Variants in SYTL2 observed in about 807,000 individuals in gnomAD.
The protein encoded by SYTL2 is synaptotagmin like 2, also known as synaptotagmin-like protein 2.
A neutral mutation model predicts 198.7 loss-of-function variants in SYTL2; 165 were observed. That is an observed-to-expected ratio of 0.83 (90% CI 0.73 to 0.94). The LOEUF is 0.94. Ranked by LOEUF, SYTL2 falls within the 40% of genes least tolerant of loss-of-function variation. The pLI is 0.00. For missense variants in SYTL2, 2,835 were observed against 2,582.8 expected, an observed-to-expected ratio of 1.10 and a Z score of -2.12; for synonymous variants, 966 against 917.7, an observed-to-expected ratio of 1.05 and a Z score of -0.95.
At position 85,720,910 on chromosome 11, in the gene SYTL2, G is replaced by A. The variant is rs369971177; in HGVS notation, c.5376C>T (p.Ala1792=). The A allele has an allele frequency of 1.7e-5, 28 of 1,613,430 alleles. No individual in the cohort carries two copies. The highest frequency in any genetic ancestry group is 1.6e-4 in the African/African-American group (12 of 74,776). Reference sequence around the variant, plus strand: ...GACTTTTGGAAGGCATTTTCCTAGCGGCACTCCTTTCCAAAGTTTTCAAAA... The same window carrying A: ...GACTTTTGGAAGGCATTTTCCTAGCAGCACTCCTTTCCAAAGTTTTCAAAA... The part of the protein sequence containing the change: ...SPVLKTLERS[A]ARKMPSKSLE... Residue 1792 remains alanine, a synonymous_variant, in exon 9 of 20, where the codon GCC becomes GCT. Coordinates refer to ENST00000359152, the MANE Select transcript of SYTL2 (RefSeq NM_206927.4).
At position 85,718,790 on chromosome 11, in the gene SYTL2, C is replaced by T; in HGVS notation, c.5482G>A (p.Asp1828Asn). 1.2e-6 allele frequency: 2 copies of T among 1,612,926 alleles called. No homozygotes were observed. Among genetic ancestry groups the T allele is most frequent in the African/African-American group, 1.3e-5 (1 of 74,998 alleles). ...PEELVRSAED[D>N]EKPDQKPVTN... is the part of the protein sequence containing the mutation. ...CACGCAAATACATAAAGATATTTAC[C>T]ATCTTCAGCACTACGCACTAATTCT... The change falls in exon 10 of 20, where the codon GAT becomes AAT. Residue 1828 changes from aspartate to asparagine, a missense_variant and splice_region_variant. Coordinates refer to ENST00000359152, the MANE Select transcript of SYTL2 (RefSeq NM_206927.4).
At chr11:85,719,354 A>C (rs678376) in intron 9 of SYTL2, 1 of 1,129,562 alleles carries the variant, frequency 8.9e-7, no homozygotes, top group African/African-American at 1.6e-5. Flanking sequence ...AGTGGGTATC[A>C]GTATTTGGAA....
rs182784455 is a variant in SYTL2, at chr11:85,728,317, C to T, written c.1391-350G>A. Among the ~76,000 whole-genome samples the T allele has an allele frequency of 3.7e-4, 56 of 152,198 alleles. No individual in the cohort carries two copies. In the East Asian group the frequency reaches 6.7e-3, roughly 18 times the overall value. On this transcript the variant is annotated intron_variant, in intron 7 of 19. Coordinates refer to ENST00000359152, the MANE Select transcript of SYTL2 (RefSeq NM_206927.4). ...TATTATTTTTTTTGAGATGGAGTCT[C>T]GCTCTGTTGCCTAGGCCAGAGTGCA... is the stretch of plus-strand genomic sequence containing the variant.
chr11:85,833,031 G>A, the SYTL2 span, among the ~76,000 whole-genome samples: 4 of 17,940 alleles, frequency 2.2e-4, no homozygotes, highest in Admixed American at 6.5e-4. Context: ...AAGAAAGAAA[G>A]AAAGAAAGAA....
intron 7 of SYTL2, 61 bp from the exon 8 acceptor site, chr11:85,728,028 T>C (rs1429045702): frequency 2.1e-6 from 3 of 1,403,950 alleles, no homozygotes; most frequent in African/African-American, 1.4e-5. Context: ...CTGTTAATCA[T>C]TCACATCATC....
chr11:85,702,613 A>G (rs2084509459), intron 16 of SYTL2, among the ~76,000 whole-genome samples: 1 of 152,244 alleles, frequency 6.6e-6, no homozygotes, highest in African/African-American at 2.4e-5. Context: ...AACAAAAACT[A>G]GACCAGATCA....
intron 9 of SYTL2, 113 bp from the exon 10 acceptor site, chr11:85,718,956 G>A: frequency 6.5e-7 from 1 of 1,545,228 alleles, no homozygotes; most frequent in Non-Finnish European, 8.7e-7. Context: ...AAGATGCAAT[G>A]AGGGGTGCAA....
chr11:85,753,482 A>G (rs1409340177), intron 2 of SYTL2, among the ~76,000 whole-genome samples: 1 of 152,214 alleles, frequency 6.6e-6, no homozygotes, highest in Non-Finnish European at 1.5e-5. Context: ...GAGACACCCC[A>G]GTGACTATTT....
At chr11:85,791,890 C>T (rs1339072898) in intron 1 of SYTL2, among the ~76,000 whole-genome samples, 1 of 152,078 alleles carries the variant, frequency 6.6e-6, no homozygotes, top group Non-Finnish European at 1.5e-5. Flanking sequence ...AACTCCCAAT[C>T]TCATTTCCTG....
At chr11:85,797,866 C>A (rs922822344) in intron 1 of SYTL2, among the ~76,000 whole-genome samples, 8 of 151,608 alleles carry the variant, frequency 5.3e-5, no homozygotes, top group Non-Finnish European at 2.9e-5. Context: ...GTTGTTCTTG[C>A]TGCTTGAGAA....
intron 7 of SYTL2, chr11:85,733,661 G>A (rs1462576292): frequency 1.4e-5 from 3 of 208,136 alleles, no homozygotes; most frequent in South Asian, 9.8e-5. Flanking sequence ...CTGCAGTGGC[G>A]CAATCTCGGC....
chr11:85,829,324 T>C, the SYTL2 span, among the ~76,000 whole-genome samples: 1 of 152,210 alleles, frequency 6.6e-6, no homozygotes, highest in Admixed American at 6.5e-5. Context: ...AGTGATAGCA[T>C]GCAGTTCTTA....
the SYTL2 span, chr11:85,852,610 G>C: frequency 1.7e-4 from 30 of 177,566 alleles, no homozygotes; most frequent in East Asian, 4.2e-3. Context: ...TCCTAACCGC[G>C]AGTGATCTGC....
chr11:85,811,367 C>T (rs975571904), upstream of SYTL2, among the ~76,000 whole-genome samples: 6 of 152,132 alleles, frequency 3.9e-5, no homozygotes, highest in Admixed American at 1.3e-4. Flanking sequence ...CGGTTCCTAG[C>T]CTCCTTCTCA....
intron 17 of SYTL2, among the ~76,000 whole-genome samples, chr11:85,698,917 A>G (rs1339059567): frequency 1.3e-5 from 2 of 152,216 alleles, no homozygotes; most frequent in Non-Finnish European, 2.9e-5. Context: ...GTTACTAAGA[A>G]GTTGGCTTAG....
At chr11:85,784,825 C>A (rs1467094025) in intron 1 of SYTL2, among the ~76,000 whole-genome samples, 1 of 152,054 alleles carries the variant, frequency 6.6e-6, no homozygotes, top group African/African-American at 2.4e-5. Flanking sequence ...TCTTCAATTT[C>A]TTTCCACAAT....
chr11:85,791,651 G>C (rs1224037211), intron 1 of SYTL2, among the ~76,000 whole-genome samples: 3 of 150,806 alleles, frequency 2.0e-5, no homozygotes, highest in Non-Finnish European at 4.4e-5. Context: ...ACAGCAAACA[G>C]TTGTTTTCCA....
intron 2 of SYTL2, among the ~76,000 whole-genome samples, chr11:85,751,218 T>C (rs2091490273): frequency 1.3e-5 from 2 of 152,244 alleles, no homozygotes. Flanking sequence ...CTATCACTAC[T>C]AGGTTTAATA....
chr11:85,738,012 C>T (rs1164863245), intron 4 of SYTL2, among the ~76,000 whole-genome samples: 1 of 152,198 alleles, frequency 6.6e-6, no homozygotes, highest in Non-Finnish European at 1.5e-5. Flanking sequence ...GGTGAAGTTG[C>T]TATTGGCTGA....
Sources: allele counts gnomAD v4.1 joint callset (sites outside exome capture counted in the v4.1 genomes callset), GRCh38; gene constraint gnomAD v4.1.1; transcripts MANE v1.5; gene names NCBI Gene and HGNC (gene_info 2026-07-23, HGNC 2026-07-21).